CDH4: variants seen among roughly 807,000 people sequenced by gnomAD.
CDH4 encodes cadherin-4.
In CDH4, 33 loss-of-function variants were observed where a neutral mutation model predicts 86.0. The observed-to-expected ratio is 0.38, with a 90% CI of 0.29 to 0.51. The LOEUF is 0.51. Ranked by LOEUF, CDH4 falls within the 20% of genes least tolerant of loss-of-function variation. The pLI is 0.86. For synonymous variants in CDH4, 555 were observed against 549.4 expected (o/e 1.01, Z -0.14); for missense variants, 1,114 against 1,307.4 (o/e 0.85, Z 2.28).
In CDH4 at chr20:61,356,477, TTGCTTGC is replaced by T. The variant is rs1268720563; in HGVS notation, c.169+101542_169+101548del. 2.0e-5 allele frequency among the ~76,000 whole-genome samples: 3 copies of T among 152,340 alleles called. No homozygotes were observed. In the South Asian group the frequency reaches 6.2e-4, roughly 32 times the overall value. ...GCCAAGCGGAGAAACACCATGCCTC[TTGCTTGC>T]TTTTATCTCCTCACCATTAATTGTC... is the stretch of plus-strand genomic sequence containing the variant. On this transcript the variant is annotated intron_variant, in intron 2 of 15. Coordinates refer to ENST00000614565, the MANE Select transcript of CDH4 (RefSeq NM_001794.5).
At chr20:61,808,869 A>G (rs1258222181) in intron 4 of CDH4, among the ~76,000 whole-genome samples, 1 of 152,106 alleles carries the variant, frequency 6.6e-6, no homozygotes, top group African/African-American at 2.4e-5. Flanking sequence ...TTTTTAAACT[A>G]CAGACGTTGA....
chr20:61,498,244 C>G (rs1052397819), intron 2 of CDH4, among the ~76,000 whole-genome samples: 1 of 152,194 alleles, frequency 6.6e-6, no homozygotes, highest in East Asian at 1.9e-4. Flanking sequence ...AAGACCAGAT[C>G]GGATGGGCAA....
chr20:61,296,310 T>G (rs963976659), intron 2 of CDH4, among the ~76,000 whole-genome samples: 1 of 149,782 alleles, frequency 6.7e-6, no homozygotes, highest in African/African-American at 2.5e-5. Flanking sequence ...TGGGTGCGTG[T>G]GTGTGCATGC....
chr20:61,325,888 G>T (rs6101311), intron 2 of CDH4, among the ~76,000 whole-genome samples: 1 of 152,162 alleles, frequency 6.6e-6, no homozygotes, highest in African/African-American at 2.4e-5. Context: ...GACGCAAGTG[G>T]GTTGCCTCTT....
At chr20:61,840,407 C>T (rs1982106652) in intron 4 of CDH4, among the ~76,000 whole-genome samples, 1 of 152,222 alleles carries the variant, frequency 6.6e-6, no homozygotes, top group South Asian at 2.1e-4. Context: ...TCATTTGAAA[C>T]CTGGCAAATC....
Position 61,936,796 on chromosome 20 carries a change from C to A in CDH4, c.2604C>A (p.Phe868Leu), listed in dbSNP as rs763004576. 6.2e-7 allele frequency: 1 copy of A among 1,610,790 alleles called. No individual in the cohort carries two copies. The highest frequency in any genetic ancestry group is 8.5e-7 in the Non-Finnish European group (1 of 1,179,160). Residue 868 changes from phenylalanine (F) to leucine (L), a missense_variant, in exon 16 of 16, where the codon TTC becomes TTA. By Grantham distance (22) the Phe-to-Leu change is conservative (BLOSUM62 0). This residue lies in a region of CDH4 where 188 missense variants were observed against 183.8 expected (regional missense o/e 1.02). Transcript: ENST00000614565. ...CCCCCTATGACTCCCTGCTGGTCTT[C>A]GACTACGAGGGGAGCGGCTCCACCG... ...TAPPYDSLLV[F>L]DYEGSGSTAG...
At chr20:61,690,358 C>T (rs889298580) in intron 2 of CDH4, among the ~76,000 whole-genome samples, 4 of 152,256 alleles carry the variant, frequency 2.6e-5, no homozygotes, top group African/African-American at 9.6e-5. Context: ...TGTGTGTGAT[C>T]AGCATGTGTT....
intron 4 of CDH4, among the ~76,000 whole-genome samples, chr20:61,836,226 C>G (rs1981871280): frequency 6.6e-6 from 1 of 152,176 alleles, no homozygotes; most frequent in Non-Finnish European, 1.5e-5. Flanking sequence ...ACAATGACGC[C>G]CCCGGAGTGA....
intron 2 of CDH4, among the ~76,000 whole-genome samples, chr20:61,601,047 C>T (rs1371026074): frequency 1.3e-5 from 2 of 152,182 alleles, no homozygotes; most frequent in African/African-American, 4.8e-5. Context: ...GCTATAAAGA[C>T]ATACCTGAGG....
rs78840707 is a variant in CDH4, at chr20:61,580,640, A to G, written c.170-162923A>G. Among the ~76,000 whole-genome samples, 31 of 18,896 alleles carry G rather than the reference A, an allele frequency of 1.6e-3. No homozygotes were observed. The East Asian group carries it at 0.078, about 48-fold the overall frequency. The allele number at this position is 18,896 out of a possible 152,430, so 12.4% of individuals were successfully genotyped here. On this transcript the variant is annotated intron_variant, in intron 2 of 15. Transcript: ENST00000614565. ...CATTGGTTTTTCAGGTTGACGCTCT[A>G]GGGGGGGAAATTAGCCCCCTTATGA...
intron 2 of CDH4, among the ~76,000 whole-genome samples, chr20:61,295,321 G>A (rs1180318260): frequency 3.3e-5 from 5 of 152,128 alleles, no homozygotes; most frequent in African/African-American, 1.2e-4. Flanking sequence ...CTGACCATGC[G>A]GTATTGAGGG....
chr20:61,419,139 A>G (rs1009552056), intron 2 of CDH4, among the ~76,000 whole-genome samples: 7 of 152,140 alleles, frequency 4.6e-5, no homozygotes, highest in African/African-American at 1.7e-4. Flanking sequence ...AAGGCCTCGC[A>G]GGGTTTGGTG....
intron 5 of CDH4, among the ~76,000 whole-genome samples, chr20:61,845,112 A>G (rs961299127): frequency 2.0e-5 from 3 of 152,238 alleles, no homozygotes; most frequent in Non-Finnish European, 4.4e-5. Context: ...CTACTGGTCC[A>G]GAAGGCCTCC....
intron 2 of CDH4, among the ~76,000 whole-genome samples, chr20:61,445,115 T>C (rs2085341195): frequency 6.6e-6 from 1 of 152,152 alleles, no homozygotes; most frequent in African/African-American, 2.4e-5. Flanking sequence ...CCCTAGTCTT[T>C]TTTCTCCACT....
At chr20:61,653,418 T>C (rs2087146915) in intron 2 of CDH4, among the ~76,000 whole-genome samples, 1 of 138,236 alleles carries the variant, frequency 7.2e-6, no homozygotes, top group African/African-American at 2.6e-5. Context: ...AAACCGCCAT[T>C]GTCATCATGG....
chr20:61,885,314 C>G (rs1265763816), intron 7 of CDH4, among the ~76,000 whole-genome samples: 1 of 151,950 alleles, frequency 6.6e-6, no homozygotes, highest in Admixed American at 6.5e-5. Context: ...TTACCCCCAG[C>G]TCCCCCAGCC....
At chr20:61,253,210 C>A (rs866532021) in intron 1 of CDH4, among the ~76,000 whole-genome samples, 1 of 151,210 alleles carries the variant, frequency 6.6e-6, no homozygotes, top group Non-Finnish European at 1.5e-5. Flanking sequence ...CCGGCGGGGC[C>A]CCGGGGGCTG....
chr20:61,556,586 G>A (rs944135145), intron 2 of CDH4, among the ~76,000 whole-genome samples: 3 of 152,172 alleles, frequency 2.0e-5, no homozygotes, highest in African/African-American at 7.2e-5. Context: ...GCCATCACAC[G>A]GCGAAGACTC....
chr20:61,570,537 C>T (rs1020322599), intron 2 of CDH4: 4 of 632,602 alleles, frequency 6.3e-6, no homozygotes, highest in Non-Finnish European at 1.1e-5. Flanking sequence ...TGACAAGGCA[C>T]CTCTGCTTTA....
Sources: allele counts gnomAD v4.1 joint callset (sites outside exome capture counted in the v4.1 genomes callset), GRCh38; gene constraint gnomAD v4.1.1; regional missense constraint gnomAD v4.1.1; transcripts MANE v1.5; gene names NCBI Gene and HGNC (gene_info 2026-07-23, HGNC 2026-07-21).